Variants in RABGAP1 observed in about 807,000 individuals in gnomAD.
The protein encoded by RABGAP1 is RAB GTPase activating protein 1.
In RABGAP1, 23 loss-of-function variants were observed where a neutral mutation model predicts 137.6. The ratio of observed to expected loss-of-function variants is 0.17; its 90% confidence interval spans 0.12 to 0.24. The LOEUF (loss-of-function observed/expected upper bound fraction) is 0.24. RABGAP1 is among the 10% of genes least tolerant of loss of function. The pLI, the probability that RABGAP1 is intolerant of heterozygous loss-of-function variation, is 1.00. For missense variants in RABGAP1, 906 were observed against 1,275.8 expected (o/e 0.71, Z 4.42); for synonymous variants, 451 against 450.7 (o/e 1.00, Z -0.01).
chr9:122,997,438 A>G, intron 9 of RABGAP1, 77 bp downstream of exon 9: 1 of 973,396 alleles, frequency 1.0e-6, no homozygotes, highest in South Asian at 1.9e-5. Flanking sequence ...CCCTTCTTTG[A>G]CCAATATCCA....
chr9:123,089,096 T>G (rs1027677333), intron 19 of RABGAP1, among the ~76,000 whole-genome samples: 9 of 152,050 alleles, frequency 5.9e-5, no homozygotes, highest in African/African-American at 1.9e-4. Flanking sequence ...AACAATAATC[T>G]GATGGGGTGA....
In RABGAP1 at chr9:123,097,789, C is replaced by T; in HGVS notation, c.2677C>T (p.Gln893Ter). The T allele has an allele frequency of 6.2e-7, 1 of 1,613,900 alleles. No individual in the cohort carries two copies. Among genetic ancestry groups the T allele is most frequent in the Non-Finnish European group, 8.5e-7 (1 of 1,179,938 alleles). ...GAATAAGGAGCTGCTGATGACCAAA[C>T]AGAAGTTGATTGATGCAGAAGAAGA... ...ALNKELLMTK[Q>*]KLIDAEEEKR... The change falls in exon 22 of 26, where the codon CAG (glutamine) becomes TAG (stop). Residue 893 changes from glutamine to a stop codon, truncating the protein, a stop_gained. Coordinates refer to ENST00000373647, the MANE Select transcript of RABGAP1 (RefSeq NM_012197.4). LOFTEE classifies it high-confidence loss of function.
chr9:123,006,633 G>A (rs979929731), intron 10 of RABGAP1, among the ~76,000 whole-genome samples: 2 of 151,996 alleles, frequency 1.3e-5, no homozygotes, highest in Admixed American at 1.3e-4. Flanking sequence ...TTGAGATGGG[G>A]TCTCACTCTG....
intron 13 of RABGAP1, among the ~76,000 whole-genome samples, chr9:123,049,834 GC>G (rs2033379925): frequency 1.3e-5 from 2 of 152,332 alleles, no homozygotes; most frequent in African/African-American, 4.8e-5. Context: ...GATATACCAG[GC>G]CTTAAGCCAC....
chr9:123,066,848 A>T (rs1436828373), intron 14 of RABGAP1, among the ~76,000 whole-genome samples: 5 of 152,260 alleles, frequency 3.3e-5, no homozygotes, highest in African/African-American at 1.2e-4. Flanking sequence ...ATTATGAAAA[A>T]TTTCAAACGT....
At chr9:122,939,211 G>A (rs1271570133), upstream of RABGAP1, 1 of 151,696 alleles carries the variant, frequency 6.6e-6, no homozygotes, top group Non-Finnish European at 1.5e-5. Context: ...CTGAAATAAG[G>A]TAGATATTTT....
At position 122,944,640 on chromosome 9, in the gene RABGAP1, G is replaced by T. The variant is rs571986794; in HGVS notation, c.-50+3547G>T. Among the ~76,000 whole-genome samples, 9 of 151,720 alleles carry T rather than the reference G, an allele frequency of 5.9e-5. No individual in the cohort carries two copies. The South Asian group carries it at 1.9e-3, about 32-fold the overall frequency. On this transcript the variant is annotated intron_variant, in intron 1 of 25. Transcript: ENST00000373647. ...GGCTGGAGTGCAGTGGCGTGATCTC[G>T]GCTCACTGCAACCTCCGCCTTCCGG...
At chr9:123,024,159 T>C (rs1321922180) in intron 13 of RABGAP1, among the ~76,000 whole-genome samples, 1 of 152,218 alleles carries the variant, frequency 6.6e-6, no homozygotes, top group African/African-American at 2.4e-5. Flanking sequence ...TAGTTTCTTC[T>C]TCCCGTTTTG....
chr9:123,061,134 A>G (rs2033955176), intron 13 of RABGAP1, among the ~76,000 whole-genome samples: 2 of 152,112 alleles, frequency 1.3e-5, no homozygotes, highest in South Asian at 2.1e-4. Flanking sequence ...TTATTGTTGT[A>G]TAAGACAGGC....
chr9:123,044,443 G>A (rs1398333274), intron 13 of RABGAP1, among the ~76,000 whole-genome samples: 2 of 152,144 alleles, frequency 1.3e-5, no homozygotes, highest in Non-Finnish European at 2.9e-5. Flanking sequence ...CCAATTATGG[G>A]AATGGAGTTT....
rs1056071987 is a variant in RABGAP1, at chr9:123,058,924, C to T, written c.1795-6424C>T. On this transcript the variant is annotated intron_variant, in intron 13 of 25. Coordinates refer to ENST00000373647, the MANE Select transcript of RABGAP1 (RefSeq NM_012197.4). ...GTCTTCCCCCAGCATGCCCCAGATA[C>T]TCAGGATATTGCAGCATGCATTTGA... is the stretch of plus-strand genomic sequence containing the variant. 2.6e-5 allele frequency among the ~76,000 whole-genome samples: 4 copies of T among 152,200 alleles called. No individual in the cohort carries two copies. The East Asian group carries it at 7.7e-4, about 29-fold the overall frequency.
Position 123,103,588 on chromosome 9 carries a change from CAT to C in RABGAP1, c.*423_*424del. On this transcript the variant is annotated 3_prime_UTR_variant, in exon 26 of 26. Coordinates refer to ENST00000373647, the MANE Select transcript of RABGAP1 (RefSeq NM_012197.4). The stretch of plus-strand genomic sequence containing the variant: ...TTCTAAACCTTTTTTTTTTAATATA[CAT>C]ATATATATATATATATATATATATA... The C allele has an allele frequency of 9.7e-3, 435 of 44,740 alleles. 1 individual carries two copies. The highest frequency in any genetic ancestry group is 0.028 in the Middle Eastern group (2 of 72). 2.8% of individuals were successfully genotyped at this position (44,740 alleles called of 1,614,324 possible). A position where few individuals can be genotyped will look rare whatever the true frequency, so the allele number is the denominator to read the frequency against.
intron 13 of RABGAP1, among the ~76,000 whole-genome samples, chr9:123,032,531 C>T (rs543346862): frequency 6.6e-6 from 1 of 152,148 alleles, no homozygotes; most frequent in Non-Finnish European, 1.5e-5. Flanking sequence ...TGTAATTCAT[C>T]GCATTCTGAT....
intron 10 of RABGAP1, among the ~76,000 whole-genome samples, chr9:122,999,711 T>A (rs1044674472): frequency 7.2e-5 from 11 of 151,794 alleles, no homozygotes; most frequent in Non-Finnish European, 1.2e-4. Context: ...TTTTAATTTT[T>A]AAATTTTTTT....
intron 1 of RABGAP1, among the ~76,000 whole-genome samples, chr9:122,951,733 C>T (rs1260553750): frequency 6.6e-6 from 1 of 152,148 alleles, no homozygotes; most frequent in African/African-American, 2.4e-5. Context: ...CCACACTTGA[C>T]TAATTTTTAA....
chr9:122,986,497 A>T (rs1056559243), intron 4 of RABGAP1, 78 bp downstream of exon 4: 8 of 1,379,518 alleles, frequency 5.8e-6, no homozygotes, highest in Non-Finnish European at 7.1e-6. Context: ...GCAATAGTGA[A>T]TAAAATACAT....
intron 13 of RABGAP1, among the ~76,000 whole-genome samples, chr9:123,041,362 G>T (rs1014235415): frequency 6.6e-6 from 1 of 152,112 alleles, no homozygotes; most frequent in Non-Finnish European, 1.5e-5. Context: ...AACCTATCAG[G>T]TAGTTATTTT....
chr9:123,059,517 T>A (rs959086392), intron 13 of RABGAP1, among the ~76,000 whole-genome samples: 1 of 152,176 alleles, frequency 6.6e-6, no homozygotes, highest in Non-Finnish European at 1.5e-5. Flanking sequence ...ATTGCGCCAC[T>A]GCACTCCAGC....
intron 9 of RABGAP1, among the ~76,000 whole-genome samples, chr9:122,998,090 T>A (rs894704086): frequency 2.0e-4 from 30 of 152,078 alleles, no homozygotes; most frequent in African/African-American, 4.1e-4. Flanking sequence ...TTATTTTTTT[T>A]ATTTTATTTA....
Sources: allele counts gnomAD v4.1 joint callset (sites outside exome capture counted in the v4.1 genomes callset), GRCh38; gene constraint gnomAD v4.1.1; transcripts MANE v1.5; gene names NCBI Gene and HGNC (gene_info 2026-07-23, HGNC 2026-07-21).